DGKI: variants seen among roughly 807,000 people sequenced by gnomAD.
DGKI encodes diacylglycerol kinase iota.
Under a neutral mutation model 147.5 loss-of-function variants are expected in DGKI, and 55 were observed. That is an observed-to-expected ratio of 0.37 (90% CI 0.30 to 0.47). The LOEUF (loss-of-function observed/expected upper bound fraction) is 0.47, where lower values mean the gene tolerates loss of function less well. Among genes scored for constraint, DGKI ranks in the 20% least tolerant of loss-of-function variants. The pLI is 1.00. For missense variants in DGKI, 1,007 were observed against 1,323.8 expected (o/e 0.76, Z 3.71); for synonymous variants, 469 against 477.1 (o/e 0.98, Z 0.22).
chr7:137,478,608 C>G (rs1815261055), intron 23 of DGKI, among the ~76,000 whole-genome samples: 1 of 152,188 alleles, frequency 6.6e-6, no homozygotes. Context: ...GACTGGGTAG[C>G]CCTGGCATTA....
At chr7:137,690,466 CT>C (rs1233739213) in intron 1 of DGKI, among the ~76,000 whole-genome samples, 1 of 152,204 alleles carries the variant, frequency 6.6e-6, no homozygotes, top group Admixed American at 6.5e-5. Flanking sequence ...TGAAAGTTCA[CT>C]GTTATTTTGC....
chr7:137,743,430 C>T (rs970893150), intron 1 of DGKI, among the ~76,000 whole-genome samples: 1 of 152,180 alleles, frequency 6.6e-6, no homozygotes, highest in African/African-American at 2.4e-5. Context: ...TACAAAGCAT[C>T]TTCTTGGACC....
intron 3 of DGKI, among the ~76,000 whole-genome samples, chr7:137,659,738 C>T (rs527312822): frequency 2.6e-5 from 4 of 152,300 alleles, no homozygotes; most frequent in Non-Finnish European, 5.9e-5. Flanking sequence ...CGAGACCATC[C>T]TGGCTAACAC....
At chr7:137,433,337 A>G (rs1813152566) in intron 28 of DGKI, among the ~76,000 whole-genome samples, 1 of 152,254 alleles carries the variant, frequency 6.6e-6, no homozygotes, top group African/African-American at 2.4e-5. Context: ...GCAACTGGTA[A>G]TGATGATAAG....
At chr7:137,424,740 C>T (rs934315984) in intron 28 of DGKI, among the ~76,000 whole-genome samples, 3 of 152,170 alleles carry the variant, frequency 2.0e-5, no homozygotes, top group Non-Finnish European at 2.9e-5. Context: ...GATTATATCT[C>T]GCACCTGGAT....
chr7:137,398,267 ATGATCATGATAC>A (rs981053886), intron 30 of DGKI, among the ~76,000 whole-genome samples: 1 of 152,200 alleles, frequency 6.6e-6, no homozygotes, highest in Admixed American at 6.5e-5. Flanking sequence ...GGGGGGATAT[ATGATCATGATAC>A]TGATCATGAC....
At chr7:137,483,572 A>T (rs1815446742) in intron 23 of DGKI, among the ~76,000 whole-genome samples, 1 of 152,110 alleles carries the variant, frequency 6.6e-6, no homozygotes, top group Non-Finnish European at 1.5e-5. Context: ...AGCATGTATT[A>T]GCTATTATTC....
intron 27 of DGKI, among the ~76,000 whole-genome samples, chr7:137,446,811 TA>T (rs1813734555): frequency 6.6e-6 from 1 of 152,156 alleles, no homozygotes; most frequent in East Asian, 1.9e-4. Context: ...GCAATATAAG[TA>T]GTTATTTTAA....
At chr7:137,508,168 C>A (rs977125946) in intron 21 of DGKI, among the ~76,000 whole-genome samples, 1 of 150,856 alleles carries the variant, frequency 6.6e-6, no homozygotes, top group Admixed American at 6.6e-5. Flanking sequence ...TGTATACTGA[C>A]CAAAACAGCC....
intron 1 of DGKI, among the ~76,000 whole-genome samples, chr7:137,716,154 C>A (rs1430648004): frequency 2.6e-5 from 4 of 152,176 alleles, no homozygotes; most frequent in Non-Finnish European, 4.4e-5. Flanking sequence ...CTGGTCTCTG[C>A]AAAATCTTTC....
At chr7:137,436,796 AT>A (rs1186580491) in intron 28 of DGKI, among the ~76,000 whole-genome samples, 8 of 152,324 alleles carry the variant, frequency 5.3e-5, no homozygotes, top group Admixed American at 2.6e-4. Flanking sequence ...AAGGCGGTAA[AT>A]ATAAGAACCA....
intron 20 of DGKI, among the ~76,000 whole-genome samples, chr7:137,545,682 T>C (rs34517400): frequency 0.013 from 1,952 of 152,242 alleles, 20 homozygotes; most frequent in Middle Eastern, 0.024. Flanking sequence ...AAGTATCTCA[T>C]CCAAAAATTG....
chr7:137,445,649 C>T (rs1414873714), intron 27 of DGKI, among the ~76,000 whole-genome samples: 1 of 152,184 alleles, frequency 6.6e-6, no homozygotes, highest in South Asian at 2.1e-4. Context: ...TTCCATCACA[C>T]TGATATTCAG....
chr7:137,789,428 T>C (rs73152544), intron 1 of DGKI, among the ~76,000 whole-genome samples: 1 of 152,140 alleles, frequency 6.6e-6, no homozygotes, highest in African/African-American at 2.4e-5. Flanking sequence ...GTTGCCATAG[T>C]AACCAACCTC....
Position 137,441,294 on chromosome 7 carries a change from G to A in DGKI, c.2761+2783C>T, listed in dbSNP as rs574671897. Among the ~76,000 whole-genome samples, 12 of 151,954 alleles carry A rather than the reference G, an allele frequency of 7.9e-5. No homozygotes were observed. In the South Asian group the frequency reaches 8.4e-4, roughly 11 times the overall value. On this transcript the variant is annotated intron_variant, in intron 28 of 32. Transcript: ENST00000614521. ...AAATTAGCCGGGCATGGTGGCGGCC[G>A]CCTGTAGTCCCAGCTACTTGGGAGG... is the stretch of plus-strand genomic sequence containing the variant.
At chr7:137,614,623 T>A (rs1291694777) in intron 8 of DGKI, among the ~76,000 whole-genome samples, 2 of 152,160 alleles carry the variant, frequency 1.3e-5, no homozygotes, top group Non-Finnish European at 2.9e-5. Context: ...TTTTTATTTC[T>A]ACAAAATAAC....
chr7:137,705,502 T>C (rs1343914003), intron 1 of DGKI, among the ~76,000 whole-genome samples: 1 of 152,200 alleles, frequency 6.6e-6, no homozygotes, highest in East Asian at 1.9e-4. Context: ...GTATTATACA[T>C]AAAGTTATAG....
At chr7:137,737,977 A>T (rs186956878) in intron 1 of DGKI, among the ~76,000 whole-genome samples, 85 of 152,316 alleles carry the variant, frequency 5.6e-4, no homozygotes, top group Non-Finnish European at 1.0e-3. Context: ...AACACAAGGG[A>T]TAAGACAGAA....
At position 137,826,003 on chromosome 7, in the gene DGKI, A is replaced by G. The variant is rs141934726; in HGVS notation, c.401+20459T>C. Among the ~76,000 whole-genome samples, 901 of 152,340 alleles carry G rather than the reference A, an allele frequency of 5.9e-3. 9 individuals are homozygous for G. Among genetic ancestry groups the G allele is most frequent in the South Asian group, 0.013 (61 of 4,828 alleles). Reference sequence around the variant, plus strand: ...TATGAACTTGCTTAGTAGTCTCCACATTATTAACAATTGGATTTAGTTGAA... The same window carrying G: ...TATGAACTTGCTTAGTAGTCTCCACGTTATTAACAATTGGATTTAGTTGAA... On this transcript the variant is annotated intron_variant, in intron 1 of 32. Transcript: ENST00000614521.
Sources: gnomAD v4.1 joint callset for allele counts (sites outside exome capture counted in the v4.1 genomes callset) on GRCh38, gnomAD v4.1.1 for gene constraint, MANE v1.5 for transcripts, NCBI Gene and HGNC (gene_info 2026-07-23, HGNC 2026-07-21) for gene names.